PCDHA3: variants seen among roughly 807,000 people sequenced by gnomAD.
PCDHA3 encodes protocadherin alpha-3.
Under a neutral mutation model 62.2 loss-of-function variants are expected in PCDHA3, and 41 were observed. The observed-to-expected ratio is 0.66, with a 90% CI of 0.51 to 0.86. The LOEUF is 0.86. Among genes scored for constraint, PCDHA3 ranks in the 40% least tolerant of loss-of-function variants. PCDHA3 has a pLI of 0.00. For synonymous variants in PCDHA3, 640 were observed against 555.4 expected, an observed-to-expected ratio of 1.15 and a Z score of -2.14; for missense variants, 1,304 against 1,241.2, an observed-to-expected ratio of 1.05 and a Z score of -0.76.
In PCDHA3 at chr5:140,804,882, C is replaced by T. The variant is rs1554123162; in HGVS notation, c.2394+1291C>T. 2.2e-5 allele frequency: 13 copies of T among 589,228 alleles called. No individual in the cohort carries two copies. The Admixed American group carries it at 2.3e-4, about 11-fold the overall frequency. The allele number at this position is 589,228 out of a possible 1,614,324, so 36.5% of individuals were successfully genotyped here. A position where few individuals can be genotyped will look rare whatever the true frequency, so the allele number is the denominator to read the frequency against. On this transcript the variant is annotated intron_variant, in intron 1 of 3. Coordinates refer to ENST00000522353, the MANE Select transcript of PCDHA3 (RefSeq NM_018906.3). ...GTAAAATAGATATTTTTCTTGACTC[C>T]TCTCCTTCCCCTCACTTCCATTTTC... is the stretch of plus-strand genomic sequence containing the variant.
At chr5:140,895,922 T>G (rs1301725770) in intron 1 of PCDHA3, among the ~76,000 whole-genome samples, 1 of 152,190 alleles carries the variant, frequency 6.6e-6, no homozygotes, top group African/African-American at 2.4e-5. Context: ...ACAATTATCC[T>G]GCCTCAGCCT....
chr5:140,982,583 C>T lies in PCDHA3; in HGVS notation c.2542+20C>T, dbSNP rs1251252617. ...CACCAGGTAAAGAGCTGGGGTCTCT[C>T]CATTCTTTCTTGGTTTCTGGAAAGT... is the stretch of plus-strand genomic sequence containing the variant. On this transcript the variant is annotated intron_variant, in intron 3 of 3. Coordinates refer to ENST00000522353, the MANE Select transcript of PCDHA3 (RefSeq NM_018906.3). The T allele has an allele frequency of 1.2e-6, 2 of 1,612,084 alleles. No homozygotes were observed. The highest frequency in any genetic ancestry group is 4.5e-5 in the East Asian group (2 of 44,856).
chr5:140,899,052 C>CCAA (rs1554188364), intron 1 of PCDHA3, among the ~76,000 whole-genome samples: 7 of 151,400 alleles, frequency 4.6e-5, no homozygotes, highest in Non-Finnish European at 1.0e-4. Flanking sequence ...TATCCTGAGA[C>CCAA]TTTGCTGAAG....
intron 1 of PCDHA3, chr5:140,856,606 CA>C: frequency 6.3e-7 from 1 of 1,597,764 alleles, no homozygotes; most frequent in Non-Finnish European, 8.6e-7. Flanking sequence ...ACAAAAAAGA[CA>C]AAGACAAATT....
At chr5:140,876,449 G>T (rs1396307044) in intron 1 of PCDHA3, 1 of 1,613,880 alleles carries the variant, frequency 6.2e-7, no homozygotes, top group Non-Finnish European at 8.5e-7. Context: ...ATTGATAAAG[G>T]GATTCCTTCC....
chr5:140,953,881 A>G (rs1481970999), intron 1 of PCDHA3, among the ~76,000 whole-genome samples: 2 of 152,130 alleles, frequency 1.3e-5, no homozygotes, highest in Non-Finnish European at 2.9e-5. Flanking sequence ...AGATCAACCC[A>G]TCACCTAGGT....
At chr5:140,966,489 C>T in intron 1 of PCDHA3, 1 of 440,146 alleles carries the variant, frequency 2.3e-6, no homozygotes, top group Non-Finnish European at 3.9e-6. Flanking sequence ...TTCCCTCCCC[C>T]TGGAGCTGTA....
At chr5:140,851,652 C>T (rs628890) in intron 1 of PCDHA3, 5 of 909,694 alleles carry the variant, frequency 5.5e-6, no homozygotes, top group Middle Eastern at 5.6e-4. Flanking sequence ...TTCAAGAAGA[C>T]ATTCTCCTTT....
At chr5:140,807,188 A>C in intron 1 of PCDHA3, 1 of 1,613,140 alleles carries the variant, frequency 6.2e-7, no homozygotes, top group Non-Finnish European at 8.5e-7. Context: ...TGCACTAAAG[A>C]TGGAGTTTTC....
At position 140,801,974 on chromosome 5, in the gene PCDHA3, C is replaced by T. The variant is rs184163664; in HGVS notation, c.777C>T (p.Thr259=). Residue 259 remains threonine, a synonymous_variant, in exon 1 of 4, where the codon ACC becomes ACT. Coordinates refer to ENST00000522353, the MANE Select transcript of PCDHA3 (RefSeq NM_018906.3). ...TACTCGAAAATGCACCAAATGGTAC[C>T]CTAGTGGTGACCGTTAACGCCACCG... ...VRLLENAPNG[T]LVVTVNATDL... is the part of the protein sequence containing the mutation. 6 of 1,614,146 alleles carry T rather than the reference C, an allele frequency of 3.7e-6. No homozygotes were observed. The East Asian group carries it at 6.7e-5, about 18-fold the overall frequency.
Position 140,801,960 on chromosome 5 carries a change from G to T in PCDHA3, c.763G>T (p.Ala255Ser). 2 of 1,614,196 alleles carry T rather than the reference G, an allele frequency of 1.2e-6. No homozygotes were observed. Among genetic ancestry groups the T allele is most frequent in the Non-Finnish European group, 1.7e-6 (2 of 1,180,040 alleles). ...CTATAAAGTCAGATTACTCGAAAAT[G>T]CACCAAATGGTACCCTAGTGGTGAC... ...TIYKVRLLENAPNGTLVVTVN... is the reference protein window; with the variant it reads ...TIYKVRLLENSPNGTLVVTVN... Residue 255 changes from alanine to serine, a missense_variant, in exon 1 of 4, where the codon GCA (alanine) becomes TCA (serine). Ala to Ser is a moderately conservative substitution (Grantham distance 99). Coordinates refer to ENST00000522353, the MANE Select transcript of PCDHA3 (RefSeq NM_018906.3).
At chr5:140,904,754 C>G (rs2071365435) in intron 1 of PCDHA3, among the ~76,000 whole-genome samples, 1 of 152,068 alleles carries the variant, frequency 6.6e-6, no homozygotes, top group South Asian at 2.1e-4. Context: ...ACCATTTTTG[C>G]AAGAATAAGA....
chr5:140,926,679 C>T (rs1348629347), intron 1 of PCDHA3: 26 of 638,064 alleles, frequency 4.1e-5, no homozygotes, highest in Middle Eastern at 4.4e-4. Context: ...GCCCAGCCTC[C>T]AGCCTAGCAA....
At chr5:141,004,179 G>A (rs2098156608) in intron 3 of PCDHA3, among the ~76,000 whole-genome samples, 1 of 152,206 alleles carries the variant, frequency 6.6e-6, no homozygotes, top group Non-Finnish European at 1.5e-5. Flanking sequence ...CAAGTGTCTT[G>A]AGTGCTCTTA....
rs1395280300 is a variant in PCDHA3, at chr5:140,857,152, T to C, written c.2394+53561T>C. ...AAGATGCTCAAGTGGGCACCGTCAT[T>C]GCCCTAATCAGCGTTTCTGACCATG... On this transcript the variant is annotated intron_variant, in intron 1 of 3. Coordinates refer to ENST00000522353, the MANE Select transcript of PCDHA3 (RefSeq NM_018906.3). The C allele has an allele frequency of 3.8e-6, 6 of 1,598,324 alleles. 1 individual carries two copies. In the Admixed American group the frequency reaches 8.4e-5, roughly 22 times the overall value.
chr5:140,983,429 T>G (rs2097050099), intron 3 of PCDHA3, among the ~76,000 whole-genome samples: 1 of 152,214 alleles, frequency 6.6e-6, no homozygotes, highest in South Asian at 2.1e-4. Flanking sequence ...AGACCACAAA[T>G]TGTGTCTACT....
At chr5:140,880,554 A>T (rs546471112) in intron 1 of PCDHA3, among the ~76,000 whole-genome samples, 1 of 152,360 alleles carries the variant, frequency 6.6e-6, no homozygotes, top group South Asian at 2.1e-4. Flanking sequence ...ACTGATGGAA[A>T]TGAGGTTGAG....
At chr5:140,872,402 G>A (rs1272057866) in intron 1 of PCDHA3, among the ~76,000 whole-genome samples, 3 of 152,128 alleles carry the variant, frequency 2.0e-5, no homozygotes, top group African/African-American at 7.2e-5. Flanking sequence ...TGAGGCAGGA[G>A]AATTGCTTGA....
chr5:140,884,499 C>T (rs782667822), intron 1 of PCDHA3: 1 of 1,614,062 alleles, frequency 6.2e-7, no homozygotes, highest in South Asian at 1.1e-5. Flanking sequence ...TGCTCCAGCG[C>T]GGCAGGGAGT....
Sources: gnomAD v4.1 joint callset for allele counts (sites outside exome capture counted in the v4.1 genomes callset) on GRCh38, gnomAD v4.1.1 for gene constraint, MANE v1.5 for transcripts, NCBI Gene and HGNC (gene_info 2026-07-23, HGNC 2026-07-21) for gene names.